The following CRYBG3 variants were observed in gnomAD, a reference collection of about 807,000 sequenced individuals.
The protein encoded by CRYBG3 is very large A-kinase anchor protein.
CRYBG3 carries 127 observed loss-of-function variants against 244.2 expected under a neutral mutation model. That is an observed-to-expected ratio of 0.52 (90% CI 0.45 to 0.60). The LOEUF (loss-of-function observed/expected upper bound fraction) is 0.60. Ranked by LOEUF, CRYBG3 falls within the 20% of genes least tolerant of loss-of-function variation. The probability of loss-of-function intolerance (pLI) is 0.00; values close to 1 mark genes in which losing one functional copy is unlikely to be tolerated. For missense variants in CRYBG3, 3,325 were observed against 3,442.5 expected (o/e 0.97, Z 0.85); for synonymous variants, 1,132 against 1,195.8 (o/e 0.95, Z 1.10).
chr3:97,865,003 C>A (rs2039207578), intron 3 of CRYBG3, among the ~76,000 whole-genome samples: 2 of 152,022 alleles, frequency 1.3e-5, no homozygotes, highest in Non-Finnish European at 2.9e-5. Context: ...CTGTCAATAT[C>A]TTTGTTCTGT....
At chr3:97,886,465 T>G (rs1401549749) in intron 7 of CRYBG3, among the ~76,000 whole-genome samples, 166 bp from the exon 8 acceptor site, 3 of 152,006 alleles carry the variant, frequency 2.0e-5, no homozygotes, top group African/African-American at 7.3e-5. Context: ...TAGAAAAACT[T>G]TTTAAAAAAA....
At chr3:97,854,970 T>G (rs2039043403) in intron 2 of CRYBG3, among the ~76,000 whole-genome samples, 1 of 152,162 alleles carries the variant, frequency 6.6e-6, no homozygotes, top group Non-Finnish European at 1.5e-5. Context: ...ACTTTTACTA[T>G]GATGTTACCT....
In CRYBG3 at chr3:97,877,909, C is replaced by T; in HGVS notation, c.6715C>T (p.Gln2239Ter). The change falls in exon 4 of 22, where the codon CAG (glutamine) becomes TAG (stop). Residue 2239 changes from glutamine (Q) to a stop codon, truncating the protein, a stop_gained. Coordinates refer to ENST00000389622, the MANE Select transcript of CRYBG3 (RefSeq NM_153605.4). LOFTEE classifies it high-confidence loss of function. ...TTCTTCTTTAAAGAGTGCTTATCAT[C>T]AGTATCTGCAGACTTCCCAAAGTCA... Reference protein sequence around the residue: ...LHSSLKSAYHQYLQTSQSHSS... With the variant: ...LHSSLKSAYH The T allele has an allele frequency of 1.2e-6, 2 of 1,614,094 alleles. No individual in the cohort carries two copies. Among genetic ancestry groups the T allele is most frequent in the African/African-American group, 1.3e-5 (1 of 75,042 alleles).
At chr3:97,828,484 C>T (rs538897608) in intron 1 of CRYBG3, among the ~76,000 whole-genome samples, 11 of 148,720 alleles carry the variant, frequency 7.4e-5, no homozygotes, top group Admixed American at 1.4e-4. Flanking sequence ...AATAGGAAAG[C>T]TTTTTATGTA....
chr3:97,939,891 G>C (rs2040206077), intron 19 of CRYBG3, among the ~76,000 whole-genome samples: 1 of 152,030 alleles, frequency 6.6e-6, no homozygotes, highest in Non-Finnish European at 1.5e-5. Flanking sequence ...TGCTGAGAAT[G>C]TGTATTTCCT....
intron 16 of CRYBG3, 94 bp from the exon 17 acceptor site, chr3:97,915,516 G>GCCCTAC: frequency 7.4e-7 from 1 of 1,349,378 alleles, no homozygotes; most frequent in Middle Eastern, 1.9e-4. Context: ...CACTTTCTAT[G>GCCCTAC]CCCTACCCCT....
At chr3:97,859,222 C>T (rs533598338) in intron 2 of CRYBG3, among the ~76,000 whole-genome samples, 1 of 152,248 alleles carries the variant, frequency 6.6e-6, no homozygotes, top group East Asian at 1.9e-4. Flanking sequence ...CATTCAGCTC[C>T]ACTGATGAAA....
Position 97,864,408 on chromosome 3 carries a change from T to G in CRYBG3, c.408T>G (p.Ser136=). The G allele has an allele frequency of 6.5e-7, 1 of 1,535,896 alleles. No individual in the cohort carries two copies. The highest frequency in any genetic ancestry group is 8.7e-7 in the Non-Finnish European group (1 of 1,146,766). ...GNLFNISGKS[S]LGEAKQSSFK... Reference sequence around the variant, plus strand: ...TATTCAATATCTCGGGGAAATCATCTCTAGGTGAAGCTAAGCAGTCTTCTT... The same window carrying G: ...TATTCAATATCTCGGGGAAATCATCGCTAGGTGAAGCTAAGCAGTCTTCTT... Residue 136 remains serine (S), a synonymous_variant, in exon 3 of 22, where the codon TCT becomes TCG. Transcript: ENST00000389622.
Position 97,899,214 on chromosome 3 carries a change from A to G in CRYBG3, c.7922A>G (p.Asp2641Gly), listed in dbSNP as rs1385682517. The change falls in exon 14 of 22, where the codon GAC becomes GGC. Residue 2641 changes from aspartate (D) to glycine (G), a missense_variant. Coordinates refer to ENST00000389622, the MANE Select transcript of CRYBG3 (RefSeq NM_153605.4). Reference protein sequence around the residue: ...LEKGKYKCFFDWGGSNNIIMS... With the variant: ...LEKGKYKCFFGWGGSNNIIMS... ...AAAGGGAAATACAAATGCTTTTTTG[A>G]CTGGGGAGGATCAAATAATATAATC... The G allele has an allele frequency of 2.5e-6, 4 of 1,613,608 alleles. No homozygotes were observed. In the South Asian group the frequency reaches 3.3e-5, roughly 13 times the overall value.
intron 2 of CRYBG3, among the ~76,000 whole-genome samples, chr3:97,854,564 C>T (rs2039037614): frequency 6.6e-6 from 1 of 151,012 alleles, no homozygotes; most frequent in Non-Finnish European, 1.5e-5. Context: ...AGATCTTTCA[C>T]CTCCTTTGTT....
chr3:97,849,090 A>G lies in CRYBG3; in HGVS notation c.216+5829A>G, dbSNP rs1013901293. Among the ~76,000 whole-genome samples the G allele has an allele frequency of 6.6e-5, 10 of 152,178 alleles. No individual in the cohort carries two copies. The South Asian group carries it at 1.0e-3, about 16-fold the overall frequency. On this transcript the variant is annotated intron_variant, in intron 2 of 21. Transcript: ENST00000389622. ...GTGGCTTGGTAACTTTGGGAAATTT[A>G]TTTAACCTCTCTGAATCCTGGTTTA...
chr3:97,843,993 TG>T (rs1279057029), intron 2 of CRYBG3, among the ~76,000 whole-genome samples: 3 of 152,182 alleles, frequency 2.0e-5, no homozygotes, highest in Non-Finnish European at 4.4e-5. Context: ...TTGAACCTTC[TG>T]GGGATTTCAG....
At position 97,874,816 on chromosome 3, in the gene CRYBG3, T is replaced by C. The variant is rs1207023800; in HGVS notation, c.3622T>C (p.Phe1208Leu). Residue 1208 changes from phenylalanine (F) to leucine (L), a missense_variant, in exon 4 of 22, where the codon TTT becomes CTT. Physicochemically the swap from Phe to Leu is conservative, Grantham distance 22 (BLOSUM62 0). Transcript: ENST00000389622. ...KKADTLIGEI[F>L]NSVREELKFK... ...GGCCGATACATTGATTGGTGAGATT[T>C]TTAATTCTGTCAGGGAAGAACTAAA... is the stretch of plus-strand genomic sequence containing the variant. 2.6e-6 allele frequency: 4 copies of C among 1,535,920 alleles called. No homozygotes were observed.
chr3:97,895,031 G>A (rs767701200), intron 11 of CRYBG3, among the ~76,000 whole-genome samples: 4 of 152,076 alleles, frequency 2.6e-5, no homozygotes, highest in Non-Finnish European at 5.9e-5. Flanking sequence ...CAGTAGGAGT[G>A]AAGAAAGAAA....
rs544417503 is a variant in CRYBG3, at chr3:97,888,273, C to A, written c.7290-68C>A. ...ATTTTGTTTTTTTATTTTGGTAGCC[C>A]TTTTTACTTACAGAACCAGACTAAA... On this transcript the variant is annotated intron_variant, in intron 8 of 21. Transcript: ENST00000389622. 34 of 948,270 alleles carry A rather than the reference C, an allele frequency of 3.6e-5. No individual in the cohort carries two copies. The South Asian group carries it at 4.8e-4, about 13-fold the overall frequency. 58.7% of individuals were successfully genotyped at this position (948,270 alleles called of 1,614,324 possible).
At chr3:97,845,757 C>A (rs764322325) in intron 2 of CRYBG3, among the ~76,000 whole-genome samples, 1 of 152,222 alleles carries the variant, frequency 6.6e-6, no homozygotes, top group Non-Finnish European at 1.5e-5. Flanking sequence ...CTACTACTAT[C>A]CCTCCATCTT....
chr3:97,897,184 T>C (rs2108237461), intron 12 of CRYBG3, among the ~76,000 whole-genome samples: 1 of 152,210 alleles, frequency 6.6e-6, no homozygotes, highest in South Asian at 2.1e-4. Flanking sequence ...ATTGAGTTGG[T>C]ATGCAGCGGA....
intron 17 of CRYBG3, chr3:97,924,251 C>T (rs1165218694): frequency 9.0e-6 from 3 of 332,738 alleles, no homozygotes; most frequent in Non-Finnish European, 1.7e-5. Context: ...TAGAATCCTA[C>T]TTTACTCCAA....
chr3:97,857,759 T>C (rs1373017654), intron 2 of CRYBG3, among the ~76,000 whole-genome samples: 2 of 152,172 alleles, frequency 1.3e-5, no homozygotes, highest in Non-Finnish European at 2.9e-5. Flanking sequence ...GAGTTCTGTT[T>C]TTTTATCCAT....
Sources: allele counts gnomAD v4.1 joint callset (sites outside exome capture counted in the v4.1 genomes callset), GRCh38; gene constraint gnomAD v4.1.1; transcripts MANE v1.5; gene names NCBI Gene and HGNC (gene_info 2026-07-23, HGNC 2026-07-21).